Variants in VPS37A observed in about 807,000 individuals in gnomAD.
The protein encoded by VPS37A is vacuolar protein sorting-associated protein 37A.
Under a neutral mutation model 49.8 loss-of-function variants are expected in VPS37A, and 30 were observed. The ratio of observed to expected loss-of-function variants is 0.60; its 90% confidence interval spans 0.45 to 0.82. The LOEUF is 0.82. Ranked by LOEUF, VPS37A falls within the 40% of genes least tolerant of loss-of-function variation. The probability of loss-of-function intolerance (pLI) is 0.00; values close to 1 mark genes in which losing one functional copy is unlikely to be tolerated. For synonymous variants in VPS37A, 195 were observed against 160.6 expected (o/e 1.21, Z -1.62); for missense variants, 593 against 464.4 (o/e 1.28, Z -2.55).
chr8:17,265,839 T>A (rs1191766364), intron 1 of VPS37A, 68 bp from the exon 2 acceptor site: 3 of 1,610,334 alleles, frequency 1.9e-6, no homozygotes, highest in Non-Finnish European at 2.5e-6. Flanking sequence ...ATTCTAGCAC[T>A]TAACATTGGT....
At chr8:17,319,839 C>A in the VPS37A span, among the ~76,000 whole-genome samples, 1 of 152,222 alleles carries the variant, frequency 6.6e-6, no homozygotes, top group Non-Finnish European at 1.5e-5. Flanking sequence ...CAGCAGGAAC[C>A]AATCTTGGTT....
At chr8:17,288,250 C>G (rs541822692) in intron 11 of VPS37A, among the ~76,000 whole-genome samples, 1 of 152,130 alleles carries the variant, frequency 6.6e-6, no homozygotes, top group East Asian at 1.9e-4. Context: ...GCTTTAAGTT[C>G]TGGGATACAT....
chr8:17,269,113 T>G (rs886484436), intron 4 of VPS37A, among the ~76,000 whole-genome samples, 157 bp downstream of exon 4: 1 of 152,212 alleles, frequency 6.6e-6, no homozygotes, highest in Non-Finnish European at 1.5e-5. Context: ...TTTACTCTTT[T>G]ACCTGTTTCT....
chr8:17,299,748 A>T, downstream of VPS37A: 1 of 1,445,870 alleles, frequency 6.9e-7, no homozygotes, highest in Non-Finnish European at 9.4e-7. Flanking sequence ...AGCTGCATTA[A>T]AGTAGTTCTC....
downstream of VPS37A, chr8:17,300,276 T>C (rs754229178): frequency 2.0e-6 from 3 of 1,538,234 alleles, no homozygotes; most frequent in Non-Finnish European, 2.6e-6. Flanking sequence ...ACTTATCTTT[T>C]TCTATATATG....
intron 9 of VPS37A, among the ~76,000 whole-genome samples, chr8:17,281,838 A>G (rs1007409781): frequency 1.3e-5 from 2 of 152,062 alleles, no homozygotes; most frequent in African/African-American, 4.8e-5. Flanking sequence ...AGTAAACCCA[A>G]TGAAGTAAGT....
chr8:17,256,023 T>G (rs553356943), intron 1 of VPS37A, among the ~76,000 whole-genome samples: 1 of 152,310 alleles, frequency 6.6e-6, no homozygotes, highest in East Asian at 1.9e-4. Flanking sequence ...CTCTTTGATT[T>G]TTTTTCTTTA....
chr8:17,306,211 A>G (rs1459776335), downstream of VPS37A, among the ~76,000 whole-genome samples: 3 of 152,212 alleles, frequency 2.0e-5, no homozygotes, highest in Non-Finnish European at 4.4e-5. Flanking sequence ...AAGAAATAAA[A>G]TTCAAAGACA....
the VPS37A span, among the ~76,000 whole-genome samples, chr8:17,307,826 G>C: frequency 1.3e-5 from 2 of 149,990 alleles, no homozygotes; most frequent in South Asian, 4.2e-4. Flanking sequence ...TCATAGGTGG[G>C]AACTGAACAA....
intron 1 of VPS37A, among the ~76,000 whole-genome samples, chr8:17,262,380 G>C (rs1250439033): frequency 6.6e-6 from 1 of 152,102 alleles, no homozygotes; most frequent in East Asian, 1.9e-4. Flanking sequence ...AAGAAATGAG[G>C]ATGCCAGTTA....
rs185707588 is a variant in VPS37A at position 17,248,345 on chromosome 8, A to T, written c.125+976A>T. On this transcript the variant is annotated intron_variant, in intron 1 of 11. Transcript: ENST00000324849. ...AGTGGCGCGATCTCGGTTCACTGCA[A>T]CCTCCGTCTCCCGGATTCAAGCAAT... 5.2e-3 allele frequency: 2,345 copies of T among 453,614 alleles called. 56 individuals carry two copies. Among genetic ancestry groups the T allele is most frequent in the Admixed American group, 0.039 (1,673 of 42,358 alleles). 28.1% of individuals were successfully genotyped at this position (453,614 alleles called of 1,614,324 possible).
At chr8:17,282,223 T>C (rs1490698929) in intron 9 of VPS37A, among the ~76,000 whole-genome samples, 2 of 152,066 alleles carry the variant, frequency 1.3e-5, no homozygotes, top group African/African-American at 4.8e-5. Context: ...ACTATGTAGT[T>C]CAAAAATAGA....
intron 1 of VPS37A, among the ~76,000 whole-genome samples, chr8:17,249,792 A>G (rs896617483): frequency 5.9e-5 from 9 of 152,204 alleles, no homozygotes; most frequent in Admixed American, 3.3e-4. Context: ...CGAAAAGCAT[A>G]ACAGATTTAT....
rs3793427 is a variant in VPS37A, at chr8:17,286,321, G to A, written c.1114-26G>A. ...TAGGCATATCTTTGTAAAAGTGACT[G>A]GTATTTTCAAAAATTTATTTTCTAG... On this transcript the variant is annotated intron_variant, in intron 10 of 11. Coordinates refer to ENST00000324849, the MANE Select transcript of VPS37A (RefSeq NM_152415.3). 5.6e-6 allele frequency: 9 copies of A among 1,595,848 alleles called. No homozygotes were observed. The South Asian group carries it at 1.0e-4, about 18-fold the overall frequency.
At chr8:17,277,474 C>A (rs115621344) in intron 6 of VPS37A, among the ~76,000 whole-genome samples, 1 of 151,962 alleles carries the variant, frequency 6.6e-6, no homozygotes, top group African/African-American at 2.4e-5. Context: ...GTGGCAACAA[C>A]AGCTATAAAC....
intron 4 of VPS37A, among the ~76,000 whole-genome samples, chr8:17,272,963 A>ATATATATAG (rs1359783400): frequency 2.4e-4 from 36 of 150,116 alleles, no homozygotes; most frequent in Admixed American, 4.0e-4. Context: ...CTACAAGAAA[A>ATATATATAG]TATATATAGT....
In VPS37A at chr8:17,286,331, A is replaced by C. The variant is rs1313171955; in HGVS notation, c.1114-16A>C. On this transcript the variant is annotated splice_polypyrimidine_tract_variant and intron_variant, in intron 10 of 11. Coordinates refer to ENST00000324849, the MANE Select transcript of VPS37A (RefSeq NM_152415.3). ...TTTGTAAAAGTGACTGGTATTTTCA[A>C]AAATTTATTTTCTAGATTTGCCACT... The C allele has an allele frequency of 1.2e-6, 2 of 1,610,334 alleles. No individual in the cohort carries two copies. The highest frequency in any genetic ancestry group is 1.7e-6 in the Non-Finnish European group (2 of 1,178,004).
At chr8:17,286,206 T>C (rs1345592210) in intron 10 of VPS37A, 141 bp from the exon 11 acceptor site, 1 of 640,940 alleles carries the variant, frequency 1.6e-6, no homozygotes, top group Admixed American at 3.0e-5. Context: ...TAATTTTAGC[T>C]ATTAGATTAT....
chr8:17,257,888 T>C (rs1294919509), intron 1 of VPS37A, among the ~76,000 whole-genome samples: 2 of 152,234 alleles, frequency 1.3e-5, no homozygotes, highest in Non-Finnish European at 2.9e-5. Context: ...AGGTATTTTA[T>C]ATTCTTTGTA....
Sources: allele counts gnomAD v4.1 joint callset (sites outside exome capture counted in the v4.1 genomes callset), GRCh38; gene constraint gnomAD v4.1.1; transcripts MANE v1.5; gene names NCBI Gene and HGNC (gene_info 2026-07-23, HGNC 2026-07-21).